The following KYNU variants were observed in gnomAD, a reference collection of about 807,000 sequenced individuals.
KYNU encodes the protein L-kynurenine hydrolase.
Under a neutral mutation model 59.2 loss-of-function variants are expected in KYNU, and 54 were observed. The observed-to-expected ratio is 0.91, with a 90% CI of 0.73 to 1.14. The LOEUF is 1.14. Ranked by LOEUF, KYNU falls within the 50% of genes most tolerant of loss-of-function variation. The pLI is 0.00. For synonymous variants in KYNU, 177 were observed against 192.0 expected (o/e 0.92, Z 0.65); for missense variants, 567 against 554.4 (o/e 1.02, Z -0.23).
intron 1 of KYNU, among the ~76,000 whole-genome samples, chr2:142,878,916 A>T (rs564383465): frequency 6.6e-6 from 1 of 152,348 alleles, no homozygotes; most frequent in South Asian, 2.1e-4. Context: ...TTAACTTTAA[A>T]TAACATTGAC....
chr2:142,952,270 C>G (rs1573831726), intron 4 of KYNU, among the ~76,000 whole-genome samples: 2 of 151,914 alleles, frequency 1.3e-5, no homozygotes, highest in Non-Finnish European at 2.9e-5. Context: ...GAGACAGGGT[C>G]TCACCATGTT....
intron 4 of KYNU, among the ~76,000 whole-genome samples, chr2:142,932,727 A>G (rs924475324): frequency 4.9e-5 from 6 of 121,804 alleles, no homozygotes; most frequent in Admixed American, 1.0e-4. Context: ...GGTAGTGCCT[A>G]GGGGCAGTGG....
At chr2:143,024,476 T>C (rs1686495902) in intron 10 of KYNU, among the ~76,000 whole-genome samples, 1 of 152,058 alleles carries the variant, frequency 6.6e-6, no homozygotes, top group South Asian at 2.1e-4. Flanking sequence ...GCTTGATCAA[T>C]ACCAGTAAAA....
intron 10 of KYNU, among the ~76,000 whole-genome samples, chr2:143,001,915 T>C (rs557020196): frequency 6.6e-6 from 1 of 152,236 alleles, no homozygotes; most frequent in South Asian, 2.1e-4. Flanking sequence ...CAGCTAGATG[T>C]GCAGAAGCTT....
intron 2 of KYNU, among the ~76,000 whole-genome samples, chr2:142,886,250 C>T (rs772846148): frequency 1.5e-4 from 23 of 152,248 alleles, no homozygotes; most frequent in African/African-American, 3.4e-4. Flanking sequence ...AACTGGGTTT[C>T]GCATCCTTTA....
intron 4 of KYNU, among the ~76,000 whole-genome samples, chr2:142,928,710 C>T (rs1293855206): frequency 6.6e-6 from 1 of 151,812 alleles, no homozygotes; most frequent in Non-Finnish European, 1.5e-5. Context: ...GCTCTGAGGA[C>T]ATAAAAGTGA....
chr2:142,941,382 C>G (rs774802787), intron 4 of KYNU, among the ~76,000 whole-genome samples: 2 of 152,142 alleles, frequency 1.3e-5, no homozygotes, highest in Non-Finnish European at 2.9e-5. Context: ...ATTTAGTTTT[C>G]TACATTTTTG....
chr2:142,883,402 G>A (rs149950622), intron 1 of KYNU, among the ~76,000 whole-genome samples: 1,893 of 151,678 alleles, frequency 0.012, 30 homozygotes, highest in African/African-American at 0.042. Context: ...GCTTCACCGT[G>A]TTAGCCAGGA....
At chr2:142,997,234 C>G (rs1289230514) in intron 10 of KYNU, among the ~76,000 whole-genome samples, 1 of 152,056 alleles carries the variant, frequency 6.6e-6, no homozygotes. Flanking sequence ...TCCAATTGTT[C>G]TCTAAACAAA....
At chr2:142,915,678 C>T (rs1682644500) in intron 2 of KYNU, among the ~76,000 whole-genome samples, 1 of 152,182 alleles carries the variant, frequency 6.6e-6, no homozygotes, top group Non-Finnish European at 1.5e-5. Context: ...AAGAAAGGAG[C>T]ATTCCAGAAG....
chr2:143,013,032 T>C (rs926332728), intron 10 of KYNU, among the ~76,000 whole-genome samples: 7 of 152,184 alleles, frequency 4.6e-5, no homozygotes, highest in Non-Finnish European at 8.8e-5. Context: ...TTGTCCAGGC[T>C]GGAGTGTGAT....
At chr2:142,947,138 C>G in intron 4 of KYNU, 8 of 1,551,094 alleles carry the variant, frequency 5.2e-6, no homozygotes, top group Non-Finnish European at 7.0e-6. Context: ...ACACAATCAA[C>G]CTGGAAATGA....
At chr2:142,914,132 T>C (rs1338636376) in intron 2 of KYNU, among the ~76,000 whole-genome samples, 5 of 152,214 alleles carry the variant, frequency 3.3e-5, no homozygotes, top group African/African-American at 1.2e-4. Flanking sequence ...CTGTGTTGAT[T>C]TGGAGTTCCA....
At chr2:142,991,501 C>T (rs972631270) in intron 10 of KYNU, among the ~76,000 whole-genome samples, 2 of 151,752 alleles carry the variant, frequency 1.3e-5, no homozygotes, top group African/African-American at 4.8e-5. Context: ...ACCTGTTCTG[C>T]TTGTTTAGCC....
intron 10 of KYNU, among the ~76,000 whole-genome samples, chr2:143,028,270 G>T (rs1573913155): frequency 1.1e-5 from 1 of 92,214 alleles, no homozygotes. Context: ...TTTTGAGATG[G>T]AGTCTCACTC....
In KYNU at chr2:142,897,829, A is replaced by C. The variant is rs7573059; in HGVS notation, c.169+12293A>C. On this transcript the variant is annotated intron_variant, in intron 2 of 13. Coordinates refer to ENST00000264170, the MANE Select transcript of KYNU (RefSeq NM_003937.3). ...TAAACTCACCTGGCCTTTTAGTAGAATATTATCTTTACATACAGATATGGA... is the reference window on the plus strand; with the variant it reads ...TAAACTCACCTGGCCTTTTAGTAGACTATTATCTTTACATACAGATATGGA... 1.5e-3 allele frequency among the ~76,000 whole-genome samples: 226 copies of C among 152,364 alleles called. 1 individual carries two copies. The highest frequency in any genetic ancestry group is 5.1e-3 in the African/African-American group (214 of 41,586).
chr2:142,964,119 G>GTT (rs58268845), intron 8 of KYNU, among the ~76,000 whole-genome samples: 17 of 144,552 alleles, frequency 1.2e-4, no homozygotes, highest in African/African-American at 3.8e-4. Flanking sequence ...ACTTTTGTTT[G>GTT]TTTTTTTTTT....
Position 143,053,077 on chromosome 2 carries a change from A to G in KYNU, c.*10905A>G, listed in dbSNP as rs1244591004. ...AAGGAGATCATTTTGGAGCTTTAAG[A>G]TTTGACTGCCCCACTGGATTTCAGA... On this transcript the variant is annotated 3_prime_UTR_variant, in exon 14 of 14. Coordinates refer to ENST00000264170, the MANE Select transcript of KYNU (RefSeq NM_003937.3). 2 of 152,364 alleles carry G rather than the reference A, an allele frequency of 1.3e-5. No homozygotes were observed. Among genetic ancestry groups the G allele is most frequent in the East Asian group, 3.9e-4 (2 of 5,186 alleles). The allele number at this position is 152,364 out of a possible 1,614,324, so 9.4% of individuals were successfully genotyped here. A position where few individuals can be genotyped will look rare whatever the true frequency, so the allele number is the denominator to read the frequency against.
intron 2 of KYNU, among the ~76,000 whole-genome samples, chr2:142,916,688 C>G (rs948412729): frequency 8.5e-5 from 13 of 152,190 alleles, no homozygotes; most frequent in African/African-American, 2.7e-4. Context: ...ACCTTACCCC[C>G]CTTTTCCTCC....
Sources: gnomAD v4.1 joint callset for allele counts (sites outside exome capture counted in the v4.1 genomes callset) on GRCh38, gnomAD v4.1.1 for gene constraint, MANE v1.5 for transcripts, NCBI Gene and HGNC (gene_info 2026-07-23, HGNC 2026-07-21) for gene names.